PSD2: variants seen among roughly 807,000 people sequenced by gnomAD.
The protein encoded by PSD2 is pleckstrin and Sec7 domain containing 2, also known as PH and SEC7 domain-containing protein 2.
A neutral mutation model predicts 69.8 loss-of-function variants in PSD2; 38 were observed. That is an observed-to-expected ratio of 0.54 (90% CI 0.42 to 0.71). PSD2 has a LOEUF of 0.71. Among genes scored for constraint, PSD2 ranks in the 30% least tolerant of loss-of-function variants. PSD2 has a pLI of 0.00. For synonymous variants in PSD2, 412 were observed against 423.0 expected (o/e 0.97, Z 0.32); for missense variants, 943 against 1,014.5 (o/e 0.93, Z 0.96).
At chr5:139,808,211 T>C (rs1759860314) in intron 1 of PSD2, among the ~76,000 whole-genome samples, 1 of 152,094 alleles carries the variant, frequency 6.6e-6, no homozygotes, top group South Asian at 2.1e-4. Flanking sequence ...CTGATCTGTG[T>C]CCCCACTGGC....
chr5:139,829,194 G>A lies in PSD2; in HGVS notation c.1270-4508G>A, dbSNP rs148029018. Among the ~76,000 whole-genome samples, 26 of 152,088 alleles carry A rather than the reference G, an allele frequency of 1.7e-4. No homozygotes were observed. The East Asian group carries it at 3.3e-3, about 19-fold the overall frequency. ...TTCTTTGCATGAGTCTTGCTTTTTC[G>A]CCCTGAGAAAGATCAATTCTAGTGA... On this transcript the variant is annotated intron_variant, in intron 7 of 14. Coordinates refer to ENST00000274710, the MANE Select transcript of PSD2 (RefSeq NM_032289.4).
At chr5:139,809,352 C>A in intron 1 of PSD2, 39 bp from the exon 2 acceptor site, 1 of 1,482,502 alleles carries the variant, frequency 6.7e-7, no homozygotes, top group Non-Finnish European at 9.0e-7. Flanking sequence ...CAGCCCCAGT[C>A]CTGTCTGACC....
intron 7 of PSD2, among the ~76,000 whole-genome samples, chr5:139,827,353 C>T (rs970548328): frequency 7.2e-5 from 11 of 152,166 alleles, no homozygotes; most frequent in Non-Finnish European, 1.2e-4. Context: ...TAAAATCGGA[C>T]CAATTAGCAC....
At chr5:139,833,217 G>A (rs1430804258) in intron 7 of PSD2, among the ~76,000 whole-genome samples, 1 of 152,030 alleles carries the variant, frequency 6.6e-6, no homozygotes, top group South Asian at 2.1e-4. Context: ...GTGGAGTAGC[G>A]GTGAGAGCAC....
the PSD2 span, among the ~76,000 whole-genome samples, chr5:139,766,956 T>TCTTTCTTTCTTC: frequency 1.0e-3 from 138 of 136,346 alleles, 3 homozygotes; most frequent in Non-Finnish European, 1.4e-3. Flanking sequence ...TTTCTTTCTT[T>TCTTTCTTTCTTC]CTTTCTTTCT....
At chr5:139,750,928 C>A in the PSD2 span, among the ~76,000 whole-genome samples, 1 of 152,184 alleles carries the variant, frequency 6.6e-6, no homozygotes, top group Non-Finnish European at 1.5e-5. Context: ...TCCTACTACT[C>A]CTCAAAGAAA....
intron 5 of PSD2, among the ~76,000 whole-genome samples, chr5:139,819,241 T>C (rs1760196945): frequency 6.6e-6 from 1 of 152,226 alleles, no homozygotes; most frequent in Non-Finnish European, 1.5e-5. Flanking sequence ...CAATTAAGGT[T>C]GCACTGAAGT....
At chr5:139,766,455 T>C in the PSD2 span, among the ~76,000 whole-genome samples, 1 of 152,206 alleles carries the variant, frequency 6.6e-6, no homozygotes, top group African/African-American at 2.4e-5. Flanking sequence ...GGGCACCCTC[T>C]CCCTGTCCCA....
chr5:139,840,143 G>A lies in PSD2; in HGVS notation c.2085G>A (p.Arg695=), dbSNP rs1490421756. 1.2e-6 allele frequency: 2 copies of A among 1,614,094 alleles called. No homozygotes were observed. The highest frequency in any genetic ancestry group is 1.7e-6 in the Non-Finnish European group (2 of 1,180,056). ...GIKSKEAEEY[R]LKEHYLTFEK... ...AGTCCAAGGAGGCCGAGGAGTACCG[G>A]TTGAAGGAGCACTATCTCACCTTCG... Residue 695 remains arginine (R), a synonymous_variant, in exon 14 of 15, where the codon CGG becomes CGA. Transcript: ENST00000274710.
intron 5 of PSD2, among the ~76,000 whole-genome samples, chr5:139,821,428 T>C (rs556364141): frequency 6.6e-6 from 1 of 151,894 alleles, no homozygotes; most frequent in Non-Finnish European, 1.5e-5. Context: ...AACTCAAACT[T>C]GGGGTAGGGG....
At chr5:139,809,883 A>G in intron 2 of PSD2, 72 bp downstream of exon 2, 1 of 1,506,554 alleles carries the variant, frequency 6.6e-7, no homozygotes, top group South Asian at 1.2e-5. Flanking sequence ...GGGCTTAGCC[A>G]CTTAGTTTCT....
At chr5:139,762,595 AC>A in the PSD2 span, among the ~76,000 whole-genome samples, 1 of 152,202 alleles carries the variant, frequency 6.6e-6, no homozygotes, top group Non-Finnish European at 1.5e-5. Flanking sequence ...TAGTTGAAGT[AC>A]CAGGTTGCTT....
the PSD2 span, among the ~76,000 whole-genome samples, chr5:139,766,924 CCTTCCCTTCTTTCTTTCTTTCTTTCTTT>C: frequency 2.0e-3 from 66 of 33,140 alleles, 1 homozygote; most frequent in African/African-American, 4.4e-3. Context: ...TTCCTTCCTT[CCTTCCCTTCTTTCTTTCTTTCTTTCTTT>C]CTTTCTTTCT....
At chr5:139,822,623 G>A (rs904480949) in intron 6 of PSD2, 103 bp from the exon 7 acceptor site, 60 of 1,017,128 alleles carry the variant, frequency 5.9e-5, no homozygotes, top group Non-Finnish European at 8.1e-5. Flanking sequence ...GCAGGCGGCC[G>A]GCCTCCCTCT....
At chr5:139,793,117 T>G (rs1759448724), upstream of PSD2, among the ~76,000 whole-genome samples, 1 of 151,998 alleles carries the variant, frequency 6.6e-6, no homozygotes, top group Admixed American at 6.6e-5. Context: ...AATTTTTGTA[T>G]TTTTAGTAGA....
chr5:139,792,777 T>C (rs906500381), upstream of PSD2, among the ~76,000 whole-genome samples: 2 of 150,802 alleles, frequency 1.3e-5, no homozygotes, highest in East Asian at 1.9e-4. Context: ...CTTCCTTCCT[T>C]CCTCCCTCCC....
the PSD2 span, among the ~76,000 whole-genome samples, chr5:139,785,039 G>A: frequency 7.2e-5 from 11 of 152,168 alleles, no homozygotes; most frequent in African/African-American, 2.2e-4. Context: ...GATTACAGGC[G>A]TGAGCCACCT....
At chr5:139,767,809 A>G in the PSD2 span, among the ~76,000 whole-genome samples, 2 of 152,260 alleles carry the variant, frequency 1.3e-5, no homozygotes, top group African/African-American at 2.4e-5. Flanking sequence ...GATTCAGCAC[A>G]TGCAATCCAA....
chr5:139,822,622 C>T lies in PSD2; in HGVS notation c.1211-104C>T, dbSNP rs920768765. Reference sequence around the variant, plus strand: ...CCCTGAGGTGAGTTTGGCAGGCGGCCGGCCTCCCTCTGTGTCCAAGGTCTC... The same window carrying T: ...CCCTGAGGTGAGTTTGGCAGGCGGCTGGCCTCCCTCTGTGTCCAAGGTCTC... On this transcript the variant is annotated intron_variant, in intron 6 of 14. Coordinates refer to ENST00000274710, the MANE Select transcript of PSD2 (RefSeq NM_032289.4). 52 of 1,002,928 alleles carry T rather than the reference C, an allele frequency of 5.2e-5. No homozygotes were observed. In the Middle Eastern group the frequency reaches 1.1e-3, roughly 22 times the overall value. The allele number at this position is 1,002,928 out of a possible 1,614,324, so 62.1% of individuals were successfully genotyped here. A position where few individuals can be genotyped will look rare whatever the true frequency, so the allele number is the denominator to read the frequency against.
Sources: gnomAD v4.1 joint callset for allele counts (sites outside exome capture counted in the v4.1 genomes callset) on GRCh38, gnomAD v4.1.1 for gene constraint, MANE v1.5 for transcripts, NCBI Gene and HGNC (gene_info 2026-07-23, HGNC 2026-07-21) for gene names.